The following LRGUK variants were observed in gnomAD, a reference collection of about 807,000 sequenced individuals.
LRGUK encodes the protein leucine rich repeats and guanylate kinase domain containing.
LRGUK carries 65 observed loss-of-function variants against 76.0 expected under a neutral mutation model. The ratio of observed to expected loss-of-function variants is 0.85; its 90% CI spans 0.70 to 1.05. The LOEUF is 1.05. LRGUK is among the 50% of genes least tolerant of loss of function. The probability of loss-of-function intolerance (pLI) is 0.00; values close to 1 mark genes in which losing one functional copy is unlikely to be tolerated. For synonymous variants in LRGUK, 268 were observed against 265.6 expected, an observed-to-expected ratio of 1.01 and a Z score of -0.09; for missense variants, 758 against 732.8, an observed-to-expected ratio of 1.03 and a Z score of -0.40.
At chr7:134,249,053 A>G in exon 18 of LRGUK, 2 of 1,584,464 alleles carry the variant, frequency 1.3e-6, no homozygotes, top group East Asian at 2.3e-5. Flanking sequence ...TTAAACCTCC[A>G]TTTGGACCAT....
rs138983202 is a variant in LRGUK at position 134,198,172 on chromosome 7, T to C, written c.1546-1048T>C. Among the ~76,000 whole-genome samples the C allele has an allele frequency of 2.7e-3, 414 of 152,318 alleles. 1 individual carries two copies. The highest frequency in any genetic ancestry group is 9.3e-3 in the African/African-American group (387 of 41,566). ...ATCTTACTTCTCAGTGATTAATTGGTTTTGTATCTTTAAGGAATGTTTTCT... is the reference window on the plus strand; with the variant it reads ...ATCTTACTTCTCAGTGATTAATTGGCTTTGTATCTTTAAGGAATGTTTTCT... On this transcript the variant is annotated intron_variant, in intron 13 of 15. Coordinates refer to ENST00000645682, the Ensembl canonical transcript of LRGUK.
intron 15 of LRGUK, among the ~76,000 whole-genome samples, chr7:134,216,230 C>T (rs929311564): frequency 1.3e-5 from 2 of 152,022 alleles, no homozygotes; most frequent in African/African-American, 4.8e-5. Context: ...TTCGTATTAA[C>T]ATGAAAGCAG....
chr7:134,266,614 A>T (rs747960013), downstream of LRGUK, among the ~76,000 whole-genome samples: 27 of 152,248 alleles, frequency 1.8e-4, no homozygotes, highest in Non-Finnish European at 3.2e-4. Flanking sequence ...ACCAACAGAG[A>T]GAAAATAGAC....
chr7:134,201,661 C>T, intron 15 of LRGUK, 85 bp downstream of exon 15: 2 of 914,788 alleles, frequency 2.2e-6, no homozygotes, highest in East Asian at 2.6e-5. Flanking sequence ...GGGTACTCAT[C>T]ACTTGGGCTA....
chr7:134,225,125 GAAA>G (rs769671717), intron 16 of LRGUK, among the ~76,000 whole-genome samples: 1,709 of 60,858 alleles, frequency 0.028, 36 homozygotes, highest in African/African-American at 0.073. Flanking sequence ...AACAGAACTG[GAAA>G]AAAAAAAAAA....
Position 134,178,611 on chromosome 7 carries a change from T to C in LRGUK, c.1214+2T>C, listed in dbSNP as rs1799590410. ...GCAGCCGCAGAGGATCTTTGACAGG[T>C]ACTTATTAGAAATCCAAAGGCCGGA... On this transcript the variant is annotated splice_donor_variant, in intron 10 of 15. Coordinates refer to ENST00000645682, the Ensembl canonical transcript of LRGUK. LOFTEE classifies it high-confidence loss of function. 2 of 1,609,324 alleles carry C rather than the reference T, an allele frequency of 1.2e-6. No individual in the cohort carries two copies. The highest frequency in any genetic ancestry group is 1.7e-6 in the Non-Finnish European group (2 of 1,177,764).
intron 4 of LRGUK, among the ~76,000 whole-genome samples, chr7:134,145,235 G>GTTTTC (rs532174462): frequency 2.0e-4 from 30 of 152,010 alleles, no homozygotes; most frequent in Non-Finnish European, 2.9e-4. Flanking sequence ...CCTGGTGTAT[G>GTTTTC]TTTTCTTTTC....
At chr7:134,214,500 G>A (rs968703493), downstream of LRGUK, among the ~76,000 whole-genome samples, 23 of 152,032 alleles carry the variant, frequency 1.5e-4, no homozygotes, top group Non-Finnish European at 5.9e-5. Context: ...GCTATCTAAT[G>A]GGATTTTAGA....
intron 14 of LRGUK, 102 bp from the exon 15 acceptor site, chr7:134,201,379 T>A (rs1408537148): frequency 2.3e-6 from 2 of 857,674 alleles, no homozygotes; most frequent in African/African-American, 3.4e-5. Context: ...CCATAATATA[T>A]ATAAAATTAA....
intron 10 of LRGUK, 32 bp from the exon 11 acceptor site, chr7:134,183,702 A>G (rs758395567): frequency 7.4e-6 from 12 of 1,612,558 alleles, no homozygotes; most frequent in East Asian, 6.7e-5. Context: ...CCTGACTGCA[A>G]TAGGAGAACT....
intron 15 of LRGUK, among the ~76,000 whole-genome samples, chr7:134,205,051 G>A (rs888522815): frequency 6.6e-6 from 1 of 152,214 alleles, no homozygotes; most frequent in Non-Finnish European, 1.5e-5. Flanking sequence ...AAAGGACAAA[G>A]TGTCCACAGC....
intron 16 of LRGUK, among the ~76,000 whole-genome samples, chr7:134,237,761 A>G (rs901915633): frequency 3.3e-5 from 5 of 152,206 alleles, no homozygotes; most frequent in African/African-American, 9.6e-5. Context: ...TGTCATTTCT[A>G]GGTCTTTTAT....
intron 6 of LRGUK, among the ~76,000 whole-genome samples, chr7:134,160,238 G>A (rs1050048083): frequency 6.6e-6 from 1 of 152,138 alleles, no homozygotes; most frequent in African/African-American, 2.4e-5. Flanking sequence ...CATCCTAAGA[G>A]TGTGTTTCAA....
chr7:134,150,479 CAAAAAA>C (rs11403705), intron 5 of LRGUK, among the ~76,000 whole-genome samples: 26 of 134,556 alleles, frequency 1.9e-4, no homozygotes, highest in African/African-American at 6.4e-4. Flanking sequence ...AACAAGCAAA[CAAAAAA>C]AAAAAAAAAA....
At chr7:134,179,253 T>C (rs918085432) in intron 10 of LRGUK, among the ~76,000 whole-genome samples, 4 of 152,216 alleles carry the variant, frequency 2.6e-5, no homozygotes, top group African/African-American at 9.6e-5. Context: ...AGATTTACCA[T>C]GCTTTCTTCA....
chr7:134,258,362 A>G, exon 19 of LRGUK: 1 of 1,614,100 alleles, frequency 6.2e-7, no homozygotes, highest in South Asian at 1.1e-5. Flanking sequence ...CTTCACACCT[A>G]GGATCAGGAG....
chr7:134,266,326 T>C (rs1582411), downstream of LRGUK, among the ~76,000 whole-genome samples: 21,730 of 152,166 alleles, frequency 0.14, 3,932 homozygotes, highest in African/African-American at 0.42. Context: ...TTGGAATTAT[T>C]GGGTAAGGAT....
chr7:134,218,495 G>C (rs1485744747), intron 15 of LRGUK, among the ~76,000 whole-genome samples: 1 of 152,120 alleles, frequency 6.6e-6, no homozygotes, highest in East Asian at 1.9e-4. Flanking sequence ...TCTTATTAAT[G>C]TAGAAACACT....
rs1466881203 is a variant in LRGUK at position 134,186,825 on chromosome 7, A to G, written c.1334+2972A>G. The stretch of plus-strand genomic sequence containing the variant: ...AGGTGGAGGCACAAGATGGCAAAAC[A>G]GAATCCTAAAATTAGCTTCATGCTC... On this transcript the variant is annotated intron_variant, in intron 11 of 15. Coordinates refer to ENST00000645682, the Ensembl canonical transcript of LRGUK. Among the ~76,000 whole-genome samples, 7 of 152,236 alleles carry G rather than the reference A, an allele frequency of 4.6e-5. No individual in the cohort carries two copies. The East Asian group carries it at 1.3e-3, about 29-fold the overall frequency.
Sources: allele counts gnomAD v4.1 joint callset (sites outside exome capture counted in the v4.1 genomes callset), GRCh38; gene constraint gnomAD v4.1.1; transcripts MANE v1.5; gene names NCBI Gene and HGNC (gene_info 2026-07-23, HGNC 2026-07-21).